The following DCAF1 variants were observed in gnomAD, a reference collection of about 807,000 sequenced individuals.
DCAF1 encodes the protein DDB1- and CUL4-associated factor 1.
DCAF1 carries 15 observed loss-of-function variants against 128.0 expected under a neutral mutation model. The observed-to-expected ratio is 0.12, with a 90% CI of 0.08 to 0.18. The LOEUF is 0.18. DCAF1 is among the 10% of genes least tolerant of loss of function. The pLI is 1.00. For synonymous variants in DCAF1, 610 were observed against 603.0 expected, an observed-to-expected ratio of 1.01 and a Z score of -0.17; for missense variants, 988 against 1,649.5, an observed-to-expected ratio of 0.60 and a Z score of 6.95.
intron 5 of DCAF1, among the ~76,000 whole-genome samples, chr3:51,465,805 T>A (rs1407561013): frequency 6.6e-6 from 1 of 152,196 alleles, no homozygotes; most frequent in African/African-American, 2.4e-5. Flanking sequence ...TGGGCCTTCA[T>A]CGTGTGCCAG....
intron 6 of DCAF1, among the ~76,000 whole-genome samples, chr3:51,453,705 C>T (rs1702582198): frequency 6.6e-6 from 1 of 152,164 alleles, no homozygotes; most frequent in Non-Finnish European, 1.5e-5. Flanking sequence ...GTAATCCCAG[C>T]ACTTTGGGAG....
chr3:51,497,735 T>C (rs1243633092), intron 1 of DCAF1, among the ~76,000 whole-genome samples: 17 of 152,076 alleles, frequency 1.1e-4, no homozygotes, highest in Non-Finnish European at 1.9e-4. Flanking sequence ...ATTTAAAAAT[T>C]AGCCAATCAT....
Position 51,425,559 on chromosome 3 carries a change from C to T in DCAF1, c.1847+1813G>A, listed in dbSNP as rs1265153525. Among the ~76,000 whole-genome samples the T allele has an allele frequency of 2.0e-4, 19 of 96,834 alleles. 1 individual carries two copies. Among genetic ancestry groups the T allele is most frequent in the East Asian group, 3.4e-4 (1 of 2,906 alleles). The allele number at this position is 96,834 out of a possible 152,430, so 63.5% of individuals were successfully genotyped here. A position where few individuals can be genotyped will look rare whatever the true frequency, so the allele number is the denominator to read the frequency against. ...TTCTAGTTATCTTGTAAGCTGTCAT[C>T]TTTTTTTTTTTTTTTTTTTTGGAGA... On this transcript the variant is annotated intron_variant, in intron 13 of 24. Coordinates refer to ENST00000684031, the MANE Select transcript of DCAF1 (RefSeq NM_001387579.1).
At chr3:51,443,564 C>T (rs981030618) in intron 7 of DCAF1, among the ~76,000 whole-genome samples, 2 of 150,288 alleles carry the variant, frequency 1.3e-5, no homozygotes, top group African/African-American at 4.9e-5. Context: ...CACTCCAACC[C>T]GGGCAACAAA....
chr3:51,434,504 G>T (rs1047518733), intron 9 of DCAF1, among the ~76,000 whole-genome samples: 2 of 152,272 alleles, frequency 1.3e-5, no homozygotes, highest in Admixed American at 1.3e-4. Flanking sequence ...AGCAAAAACC[G>T]CAATTACTTT....
At chr3:51,419,586 G>C in intron 15 of DCAF1, 148 bp downstream of exon 15, 1 of 1,383,306 alleles carries the variant, frequency 7.2e-7, no homozygotes, top group Middle Eastern at 2.3e-4. Flanking sequence ...ACCCATGGTT[G>C]ACAAAAGGTG....
intron 2 of DCAF1, among the ~76,000 whole-genome samples, chr3:51,492,363 A>G (rs1553658463): frequency 2.0e-5 from 3 of 151,882 alleles, no homozygotes; most frequent in African/African-American, 7.3e-5. Flanking sequence ...AAAATACAAA[A>G]AAGAGCTGGG....
At chr3:51,425,241 C>T (rs763767582) in intron 13 of DCAF1, among the ~76,000 whole-genome samples, 10 of 152,056 alleles carry the variant, frequency 6.6e-5, no homozygotes, top group Non-Finnish European at 1.0e-4. Flanking sequence ...GAGGCTGAGG[C>T]AGGCAGATCA....
chr3:51,396,243 G>A (rs765569203), downstream of DCAF1: 3 of 269,646 alleles, frequency 1.1e-5, no homozygotes, highest in African/African-American at 2.2e-5. Flanking sequence ...CGTGCCTAGA[G>A]AAGACACTTC....
At chr3:51,489,831 G>GTA (rs1352957261) in intron 2 of DCAF1, among the ~76,000 whole-genome samples, 2 of 33,798 alleles carry the variant, frequency 5.9e-5, no homozygotes, top group African/African-American at 2.5e-4. Context: ...GTGTGTGTGT[G>GTA]TATATAGATA....
At chr3:51,418,607 G>A (rs569959514) in intron 16 of DCAF1, 71 bp downstream of exon 16, 2 of 1,530,394 alleles carry the variant, frequency 1.3e-6, no homozygotes, top group African/African-American at 2.8e-5. Context: ...TAAAGGGTAA[G>A]CCTCCTTTAC....
rs542435236 is a variant in DCAF1, at chr3:51,419,961, C to T, written c.3009G>A (p.Thr1003=). 1.1e-5 allele frequency: 17 copies of T among 1,613,978 alleles called. No homozygotes were observed. The highest frequency in any genetic ancestry group is 4.0e-5 in the African/African-American group (3 of 75,046). The part of the protein sequence containing the change: ...QLDRHLPSPP[T]LDSIITEYLR... The stretch of plus-strand genomic sequence containing the variant: ...GATACTCTGTGATTATACTGTCCAG[C>T]GTAGGTGGGGAAGGAAGATGTCTGT... The change falls in exon 15 of 25, where the codon ACG becomes ACA. Residue 1003 remains threonine, a synonymous_variant. Transcript: ENST00000684031.
intron 15 of DCAF1, 106 bp from the exon 16 acceptor site, chr3:51,418,982 G>A (rs1699148475): frequency 7.1e-7 from 1 of 1,406,162 alleles, no homozygotes; most frequent in Non-Finnish European, 9.3e-7. Context: ...GTTTCAAATG[G>A]CTTCTTCCAA....
intron 6 of DCAF1, among the ~76,000 whole-genome samples, chr3:51,457,163 G>GA (rs537794057): frequency 1.3e-3 from 202 of 151,906 alleles, no homozygotes; most frequent in African/African-American, 4.4e-3. Context: ...TAAAAGCTTT[G>GA]AAAAAAAATT....
chr3:51,489,760 C>T (rs1707400444), intron 2 of DCAF1, among the ~76,000 whole-genome samples: 1 of 149,254 alleles, frequency 6.7e-6, no homozygotes, highest in Non-Finnish European at 1.5e-5. Flanking sequence ...GCAATCCAGC[C>T]TGGGTGACAG....
intron 24 of DCAF1, among the ~76,000 whole-genome samples, chr3:51,400,327 T>C (rs1248154897): frequency 6.6e-6 from 1 of 152,146 alleles, no homozygotes; most frequent in Non-Finnish European, 1.5e-5. Flanking sequence ...CCCCACCCCA[T>C]ACCACAAACT....
chr3:51,471,129 T>C (rs1704689251), intron 3 of DCAF1, 124 bp from the exon 4 acceptor site: 2 of 519,654 alleles, frequency 3.8e-6, no homozygotes. Flanking sequence ...CTATTTCTTC[T>C]GATGTACATA....
chr3:51,440,930 T>TA, intron 9 of DCAF1, 40 bp downstream of exon 9: 1 of 1,532,366 alleles, frequency 6.5e-7, no homozygotes, highest in African/African-American at 1.4e-5. Flanking sequence ...ACAAAGTTTT[T>TA]AAAAAATCCC....
At chr3:51,413,886 G>A (rs1487547454) in intron 20 of DCAF1, 64 bp downstream of exon 20, 3 of 1,360,726 alleles carry the variant, frequency 2.2e-6, no homozygotes, top group East Asian at 2.9e-5. Flanking sequence ...CCAAAAAGAA[G>A]TATCAAATTA....
Sources: allele counts gnomAD v4.1 joint callset (sites outside exome capture counted in the v4.1 genomes callset), GRCh38; gene constraint gnomAD v4.1.1; transcripts MANE v1.5; gene names NCBI Gene and HGNC (gene_info 2026-07-23, HGNC 2026-07-21).